HSD17B12: variants seen among roughly 807,000 people sequenced by gnomAD.
HSD17B12 encodes the protein very-long-chain 3-oxoacyl-CoA reductase.
Under a neutral mutation model 39.3 loss-of-function variants are expected in HSD17B12, and 32 were observed. The ratio of observed to expected loss-of-function variants is 0.81; its 90% CI spans 0.61 to 1.09. The LOEUF (loss-of-function observed/expected upper bound fraction) is 1.09. Ranked by LOEUF, HSD17B12 falls within the 50% of genes least tolerant of loss-of-function variation. HSD17B12 has a pLI of 0.00. For missense variants in HSD17B12, 342 were observed against 382.9 expected, an observed-to-expected ratio of 0.89 and a Z score of 0.89; for synonymous variants, 150 against 146.7, an observed-to-expected ratio of 1.02 and a Z score of -0.16.
intron 7 of HSD17B12, chr11:43,833,341 C>T (rs1590337931): frequency 6.6e-6 from 1 of 152,188 alleles, no homozygotes; most frequent in Non-Finnish European, 1.5e-5. Flanking sequence ...TTTCCCTCCC[C>T]TCTCTACCCG....
chr11:43,562,288 T>C, the HSD17B12 span, among the ~76,000 whole-genome samples: 1 of 152,284 alleles, frequency 6.6e-6, no homozygotes, highest in East Asian at 1.9e-4. Flanking sequence ...AGGTCTCTGA[T>C]AGGCTGGATG....
intron 1 of HSD17B12, among the ~76,000 whole-genome samples, chr11:43,699,706 A>G (rs576066980): frequency 6.6e-6 from 1 of 152,172 alleles, no homozygotes; most frequent in Non-Finnish European, 1.5e-5. Context: ...ATTCAAGTTC[A>G]GTTTATTTGA....
intron 3 of HSD17B12, among the ~76,000 whole-genome samples, chr11:43,787,857 C>T (rs59432796): frequency 0.014 from 2,136 of 151,944 alleles, 67 homozygotes; most frequent in African/African-American, 0.047. Flanking sequence ...GAAATAAAAT[C>T]AACTGTTAAG....
intron 3 of HSD17B12, among the ~76,000 whole-genome samples, chr11:43,772,830 G>T (rs1950662178): frequency 6.6e-6 from 1 of 152,150 alleles, no homozygotes; most frequent in South Asian, 2.1e-4. Flanking sequence ...AAAGCTTTCA[G>T]CCAGGCATGG....
intron 1 of HSD17B12, among the ~76,000 whole-genome samples, chr11:43,740,126 A>G (rs1384236617): frequency 2.0e-5 from 3 of 152,200 alleles, no homozygotes; most frequent in South Asian, 2.1e-4. Flanking sequence ...CAGTTTTTAT[A>G]TAGTTGGCAA....
At chr11:43,640,170 T>TGGATTCATAGA in the HSD17B12 span, among the ~76,000 whole-genome samples, 10 of 151,864 alleles carry the variant, frequency 6.6e-5, no homozygotes, top group African/African-American at 2.2e-4. Context: ...AAGAAATAAT[T>TGGATTCATAGA]AGAAAACTGG....
At chr11:43,837,916 A>AT (rs1951386755) in intron 7 of HSD17B12, 1 of 170,988 alleles carries the variant, frequency 5.8e-6, no homozygotes, top group African/African-American at 2.4e-5. Flanking sequence ...ACATAGAATG[A>AT]TTAAATCCTA....
At chr11:43,698,720 A>G (rs1275037456) in intron 1 of HSD17B12, among the ~76,000 whole-genome samples, 6 of 152,254 alleles carry the variant, frequency 3.9e-5, no homozygotes, top group Non-Finnish European at 8.8e-5. Flanking sequence ...GGTAGAAAGT[A>G]CAAAGCATTA....
chr11:43,668,654 A>C, the HSD17B12 span, among the ~76,000 whole-genome samples: 2 of 152,132 alleles, frequency 1.3e-5, no homozygotes, highest in African/African-American at 4.8e-5. Flanking sequence ...ATCCCAAAAC[A>C]GAGGCATAAT....
intron 3 of HSD17B12, among the ~76,000 whole-genome samples, chr11:43,774,551 A>C (rs1209502251): frequency 2.0e-5 from 3 of 152,162 alleles, no homozygotes; most frequent in African/African-American, 4.8e-5. Context: ...ATTGGAATGA[A>C]AGAAAACTGA....
At chr11:43,666,328 C>T in the HSD17B12 span, among the ~76,000 whole-genome samples, 4 of 152,278 alleles carry the variant, frequency 2.6e-5, no homozygotes, top group South Asian at 8.3e-4. Flanking sequence ...CCTCAGCTCC[C>T]CTAGCAGCTG....
At chr11:43,569,898 CATA>C in the HSD17B12 span, 22 of 152,804 alleles carry the variant, frequency 1.4e-4, no homozygotes, top group Middle Eastern at 3.4e-3. Flanking sequence ...TAACATTTGC[CATA>C]ATAACCCCTC....
At chr11:43,577,437 AGGCCAGT>A in the HSD17B12 span, among the ~76,000 whole-genome samples, 1 of 152,188 alleles carries the variant, frequency 6.6e-6, no homozygotes, top group Admixed American at 6.5e-5. Context: ...CAGGAATGGA[AGGCCAGT>A]GGCTCACCGG....
intron 1 of HSD17B12, among the ~76,000 whole-genome samples, chr11:43,745,334 C>T (rs772057595): frequency 2.0e-5 from 3 of 152,204 alleles, no homozygotes; most frequent in African/African-American, 7.2e-5. Context: ...TTTAGATGCA[C>T]AGTACTGAGT....
chr11:43,595,158 A>G, the HSD17B12 span, among the ~76,000 whole-genome samples: 2 of 152,252 alleles, frequency 1.3e-5, no homozygotes, highest in African/African-American at 2.4e-5. Context: ...ACAGCAGAAG[A>G]GTCAAAGGGC....
At chr11:43,841,281 T>C (rs1951423377) in intron 9 of HSD17B12, among the ~76,000 whole-genome samples, 1 of 152,256 alleles carries the variant, frequency 6.6e-6, no homozygotes, top group South Asian at 2.1e-4. Context: ...TTCTGGATGT[T>C]GTCCCATTTT....
At chr11:43,605,769 T>C in the HSD17B12 span, among the ~76,000 whole-genome samples, 1 of 152,148 alleles carries the variant, frequency 6.6e-6, no homozygotes, top group African/African-American at 2.4e-5. Context: ...TAAACGTAAA[T>C]AATTTATTAT....
chr11:43,842,029 C>T (rs1298795752), intron 9 of HSD17B12, among the ~76,000 whole-genome samples: 1 of 152,090 alleles, frequency 6.6e-6, no homozygotes, highest in Non-Finnish European at 1.5e-5. Flanking sequence ...GCCACTTGCC[C>T]ATGTTGAACT....
At chr11:43,840,473 C>G (rs929820779) in intron 9 of HSD17B12, among the ~76,000 whole-genome samples, 1 of 151,938 alleles carries the variant, frequency 6.6e-6, no homozygotes, top group African/African-American at 2.4e-5. Flanking sequence ...CCATTGTCAC[C>G]GTCCATCTCC....
Sources: gnomAD v4.1 joint callset for allele counts (sites outside exome capture counted in the v4.1 genomes callset) on GRCh38, gnomAD v4.1.1 for gene constraint, MANE v1.5 for transcripts, NCBI Gene and HGNC (gene_info 2026-07-23, HGNC 2026-07-21) for gene names.